BIRC6: variants seen among roughly 807,000 people sequenced by gnomAD.
The protein encoded by BIRC6 is dual E2 ubiquitin-conjugating enzyme/E3 ubiquitin-protein ligase BIRC6.
Under a neutral mutation model 503.3 loss-of-function variants are expected in BIRC6, and 98 were observed. That is an observed-to-expected ratio of 0.19 (90% confidence interval 0.17 to 0.23). The LOEUF is 0.23. BIRC6 is among the 10% of genes least tolerant of loss of function. The pLI, the probability that BIRC6 is intolerant of heterozygous loss-of-function variation, is 1.00. For missense variants in BIRC6, 5,360 were observed against 5,806.0 expected (o/e 0.92, Z 2.50); for synonymous variants, 2,240 against 2,078.7 (o/e 1.08, Z -2.11).
chr2:32,566,579 C>T (rs1275203674), intron 65 of BIRC6: 2 of 152,174 alleles, frequency 1.3e-5, no homozygotes, highest in Non-Finnish European at 2.9e-5. Context: ...GTCTTGAGCT[C>T]CTGGGCTCTA....
intron 3 of BIRC6, among the ~76,000 whole-genome samples, chr2:32,385,283 G>A (rs781042249): frequency 9.9e-5 from 15 of 152,170 alleles, no homozygotes; most frequent in Non-Finnish European, 1.3e-4. Context: ...GTAGAACAAG[G>A]AGGAGACATT....
chr2:32,397,630 G>GTATA (rs199832130), intron 6 of BIRC6, among the ~76,000 whole-genome samples: 2 of 122,588 alleles, frequency 1.6e-5, no homozygotes, highest in African/African-American at 3.2e-5. Flanking sequence ...ATATATATAT[G>GTATA]TATATATATA....
At chr2:32,528,905 C>T (rs545053193) in intron 59 of BIRC6, 7 of 152,040 alleles carry the variant, frequency 4.6e-5, no homozygotes, top group Admixed American at 4.6e-4. Flanking sequence ...CTTGGATCCC[C>T]TCCCTAAGAT....
At chr2:32,512,419 C>G (rs1271212654) in intron 53 of BIRC6, among the ~76,000 whole-genome samples, 1 of 152,018 alleles carries the variant, frequency 6.6e-6, no homozygotes, top group Admixed American at 6.5e-5. Flanking sequence ...GTTAGTTGAC[C>G]TATAATCTTG....
chr2:32,573,030 C>T (rs907934559), intron 65 of BIRC6, among the ~76,000 whole-genome samples: 6 of 152,176 alleles, frequency 3.9e-5, no homozygotes, highest in African/African-American at 1.4e-4. Context: ...CCACAATTCT[C>T]CTCCCCTGCT....
chr2:32,438,636 GGCAA>G (rs2045032454), intron 15 of BIRC6, among the ~76,000 whole-genome samples: 3 of 147,684 alleles, frequency 2.0e-5, no homozygotes, highest in Non-Finnish European at 4.5e-5. Flanking sequence ...CTTGGCTCAC[GGCAA>G]GCTCCGCCTC....
intron 19 of BIRC6, 161 bp from the exon 20 acceptor site, chr2:32,443,330 G>A: frequency 1.8e-6 from 1 of 564,962 alleles, no homozygotes; most frequent in Admixed American, 3.5e-5. Context: ...AGTATAATCA[G>A]TTCCCGCTAT....
intron 1 of BIRC6, among the ~76,000 whole-genome samples, chr2:32,364,477 G>A (rs1351109155): frequency 6.6e-6 from 1 of 152,098 alleles, no homozygotes; most frequent in African/African-American, 2.4e-5. Flanking sequence ...TCCTGACCTC[G>A]TGATCCGCCC....
chr2:32,463,475 G>A lies in BIRC6; in HGVS notation c.4941+94G>A, dbSNP rs558071773. The A allele has an allele frequency of 2.7e-4, 345 of 1,254,584 alleles. 1 individual carries two copies. In the South Asian group the frequency reaches 3.3e-3, roughly 12 times the overall value. The allele number at this position is 1,254,584 out of a possible 1,614,324, so 77.7% of individuals were successfully genotyped here. A position where few individuals can be genotyped will look rare whatever the true frequency, so the allele number is the denominator to read the frequency against. ...ATGACCATTATTTTCATAAAGAAACGTAGGTTGACTGATCTGAGCTAATCA... is the reference window on the plus strand; with the variant it reads ...ATGACCATTATTTTCATAAAGAAACATAGGTTGACTGATCTGAGCTAATCA... On this transcript the variant is annotated intron_variant, in intron 24 of 73. Transcript: ENST00000421745.
intron 10 of BIRC6, among the ~76,000 whole-genome samples, chr2:32,426,963 C>T (rs1465001387): frequency 1.3e-5 from 2 of 152,164 alleles, no homozygotes; most frequent in African/African-American, 4.8e-5. Context: ...TGCCTCTGGT[C>T]TCCATTGTTT....
chr2:32,578,116 C>T (rs1455230018), intron 66 of BIRC6, among the ~76,000 whole-genome samples: 3 of 152,154 alleles, frequency 2.0e-5, no homozygotes, highest in Non-Finnish European at 1.5e-5. Context: ...TGTTATAAGA[C>T]GGCACCGGTA....
chr2:32,414,442 GGA>G (rs2042211634), intron 9 of BIRC6, among the ~76,000 whole-genome samples: 2 of 152,254 alleles, frequency 1.3e-5, no homozygotes, highest in Non-Finnish European at 2.9e-5. Context: ...TGAGGTGGGT[GGA>G]TCACCTGAGG....
chr2:32,512,763 T>C (rs1377686820), intron 53 of BIRC6, among the ~76,000 whole-genome samples, 170 bp from the exon 54 acceptor site: 1 of 152,154 alleles, frequency 6.6e-6, no homozygotes, highest in African/African-American at 2.4e-5. Flanking sequence ...TAGTATGTCT[T>C]TGTTGCCGAG....
Position 32,442,363 on chromosome 2 carries a change from A to T in BIRC6, c.4146A>T (p.Arg1382=). ...ATGAGAACCTACTTTCAAAAACACGAAAATTTCTGTCAGACATCGTACGTG... is the reference window on the plus strand; with the variant it reads ...ATGAGAACCTACTTTCAAAAACACGTAAATTTCTGTCAGACATCGTACGTG... The part of the protein sequence containing the change: ...EGNENLLSKT[R]KFLSDIVRVC... Residue 1382 remains arginine, a synonymous_variant, in exon 19 of 74, where the codon CGA becomes CGT. Transcript: ENST00000421745. 6.2e-7 allele frequency: 1 copy of T among 1,612,716 alleles called. No homozygotes were observed.
At chr2:32,587,487 C>A (rs1336265183) in intron 66 of BIRC6, among the ~76,000 whole-genome samples, 1 of 152,128 alleles carries the variant, frequency 6.6e-6, no homozygotes, top group Admixed American at 6.5e-5. Context: ...CCTGTAATTC[C>A]AGTGCTTTGG....
chr2:32,588,776 C>CT (rs1009239129), intron 66 of BIRC6, among the ~76,000 whole-genome samples: 1 of 152,198 alleles, frequency 6.6e-6, no homozygotes, highest in Non-Finnish European at 1.5e-5. Flanking sequence ...TAACATAATA[C>CT]TTTAAATCTG....
intron 1 of BIRC6, among the ~76,000 whole-genome samples, chr2:32,369,704 G>A (rs754571505): frequency 1.1e-4 from 17 of 151,286 alleles, no homozygotes; most frequent in Non-Finnish European, 2.2e-4. Context: ...CTGGGATTAC[G>A]GGCATGAGCC....
chr2:32,426,474 G>A (rs2043504474), intron 10 of BIRC6, among the ~76,000 whole-genome samples: 1 of 152,318 alleles, frequency 6.6e-6, no homozygotes, highest in African/African-American at 2.4e-5. Flanking sequence ...GTGGTGGTGG[G>A]CACCTGTAAT....
intron 22 of BIRC6, among the ~76,000 whole-genome samples, chr2:32,450,651 A>T (rs932812557): frequency 1.3e-5 from 2 of 151,956 alleles, no homozygotes; most frequent in African/African-American, 4.8e-5. Flanking sequence ...TATGGCACCT[A>T]TTTTTCCACC....
Sources: allele counts gnomAD v4.1 joint callset (sites outside exome capture counted in the v4.1 genomes callset), GRCh38; gene constraint gnomAD v4.1.1; transcripts MANE v1.5; gene names NCBI Gene and HGNC (gene_info 2026-07-23, HGNC 2026-07-21).